AKAP6: variants seen among roughly 807,000 people sequenced by gnomAD.
The protein encoded by AKAP6 is A-kinase anchoring protein 6.
A neutral mutation model predicts 188.5 loss-of-function variants in AKAP6; 58 were observed. That is an observed-to-expected ratio of 0.31 (90% confidence interval 0.25 to 0.38). The LOEUF is 0.38. Ranked by LOEUF, AKAP6 falls within the 10% of genes least tolerant of loss-of-function variation. AKAP6 has a pLI of 1.00. For missense variants in AKAP6, 2,710 were observed against 2,740.0 expected, an observed-to-expected ratio of 0.99 and a Z score of 0.24; for synonymous variants, 989 against 998.6, an observed-to-expected ratio of 0.99 and a Z score of 0.18.
Position 32,657,512 on chromosome 14 carries a change from A to G in AKAP6, c.2731-20799A>G, listed in dbSNP as rs191006201. 2.1e-4 allele frequency among the ~76,000 whole-genome samples: 32 copies of G among 152,304 alleles called. 2 individuals carry two copies. The East Asian group carries it at 3.3e-3, about 16-fold the overall frequency. On this transcript the variant is annotated intron_variant, in intron 7 of 13. Transcript: ENST00000280979. Reference sequence around the variant, plus strand: ...TCAGTTTAGATTTAAACGAAAGCTCATGAGATCCAGGACACTTTTTGTCAT... The same window carrying G: ...TCAGTTTAGATTTAAACGAAAGCTCGTGAGATCCAGGACACTTTTTGTCAT...
intron 7 of AKAP6, among the ~76,000 whole-genome samples, chr14:32,602,476 C>T (rs914762757): frequency 6.6e-6 from 1 of 152,052 alleles, no homozygotes; most frequent in African/African-American, 2.4e-5. Context: ...ACCTGGGCAA[C>T]AGAGAGAGAT....
chr14:32,676,638 G>A (rs1306022172), intron 7 of AKAP6, among the ~76,000 whole-genome samples: 1 of 152,178 alleles, frequency 6.6e-6, no homozygotes, highest in East Asian at 1.9e-4. Context: ...GTTTGGGCAA[G>A]AACAGTTCAC....
chr14:32,576,884 A>G (rs377596411), intron 4 of AKAP6, among the ~76,000 whole-genome samples: 2 of 152,226 alleles, frequency 1.3e-5, no homozygotes, highest in East Asian at 1.9e-4. Context: ...CAGAAAAGTG[A>G]TTCTAGAGAA....
intron 9 of AKAP6, among the ~76,000 whole-genome samples, chr14:32,731,046 G>A (rs912222367): frequency 6.6e-6 from 1 of 152,140 alleles, no homozygotes; most frequent in African/African-American, 2.4e-5. Flanking sequence ...GCATATTCAT[G>A]TAATTTTGGA....
intron 2 of AKAP6, among the ~76,000 whole-genome samples, chr14:32,475,138 C>G (rs1199340853): frequency 6.6e-6 from 1 of 152,164 alleles, no homozygotes; most frequent in African/African-American, 2.4e-5. Flanking sequence ...TCACAGTGAA[C>G]CTTTGTTCAG....
At chr14:32,696,901 T>G (rs1352967068) in intron 9 of AKAP6, among the ~76,000 whole-genome samples, 1 of 152,178 alleles carries the variant, frequency 6.6e-6, no homozygotes, top group East Asian at 1.9e-4. Context: ...ATCTTCCTCA[T>G]TTAGGCAATT....
chr14:32,811,887 C>T (rs2034245714), intron 12 of AKAP6, among the ~76,000 whole-genome samples: 1 of 152,164 alleles, frequency 6.6e-6, no homozygotes, highest in African/African-American at 2.4e-5. Flanking sequence ...CAAGTTGGGA[C>T]CTTATGTCTA....
chr14:32,714,748 TAC>T (rs1336169503), intron 9 of AKAP6, among the ~76,000 whole-genome samples: 1 of 151,966 alleles, frequency 6.6e-6, no homozygotes, highest in Non-Finnish European at 1.5e-5. Context: ...TATATTCACT[TAC>T]ATTTCCATTG....
In AKAP6 at chr14:32,650,387, C is replaced by T. The variant is rs368529909; in HGVS notation, c.2731-27924C>T. On this transcript the variant is annotated intron_variant, in intron 7 of 13. Coordinates refer to ENST00000280979, the MANE Select transcript of AKAP6 (RefSeq NM_004274.5). ...CAGCATTTTGGGAGGCTGGGGCGGG[C>T]GGATTGCTTGAGGCCAGGAGTTCAA... 1.2e-4 allele frequency among the ~76,000 whole-genome samples: 18 copies of T among 152,090 alleles called. No homozygotes were observed. In the East Asian group the frequency reaches 2.3e-3, roughly 20 times the overall value.
intron 2 of AKAP6, among the ~76,000 whole-genome samples, chr14:32,496,573 G>C (rs1275330423): frequency 6.7e-6 from 1 of 150,314 alleles, no homozygotes; most frequent in Non-Finnish European, 1.5e-5. Context: ...TGAGACTTGA[G>C]ATTAAAAAAA....
chr14:32,420,909 TTGTGTGTGTGTG>T (rs71432053), intron 1 of AKAP6, among the ~76,000 whole-genome samples: 2 of 146,410 alleles, frequency 1.4e-5, no homozygotes, highest in African/African-American at 5.0e-5. Context: ...GGAGATTGAT[TTGTGTGTGTGTG>T]TGTGTGTGTG....
rs1566546723 is a variant in AKAP6, at chr14:32,510,438, G to GTGTATATATATACATATATATGTA, written c.325-25115_325-25114insGTATATATATACATATATATGTAT. Among the ~76,000 whole-genome samples, 86 of 84,422 alleles carry GTGTATATATATACATATATATGTA rather than the reference G, an allele frequency of 1.0e-3. 4 individuals carry two copies. Among genetic ancestry groups the GTGTATATATATACATATATATGTA allele is most frequent in the African/African-American group, 3.7e-3 (81 of 22,138 alleles). 55.4% of individuals were successfully genotyped at this position (84,422 alleles called of 152,430 possible). A position where few individuals can be genotyped will look rare whatever the true frequency, so the allele number is the denominator to read the frequency against. ...TGTATATATATACATATATATATGTGTATATATATATACATATATATGTGT... is the reference window on the plus strand; with the variant it reads ...TGTATATATATACATATATATATGTGTGTATATATATACATATATATGTATATATATATATACATATATATGTGT... On this transcript the variant is annotated intron_variant, in intron 2 of 13. Coordinates refer to ENST00000280979, the MANE Select transcript of AKAP6 (RefSeq NM_004274.5).
intron 11 of AKAP6, among the ~76,000 whole-genome samples, chr14:32,764,915 T>C (rs1176729485): frequency 6.6e-6 from 1 of 151,618 alleles, no homozygotes; most frequent in Non-Finnish European, 1.5e-5. Flanking sequence ...TAGGCTATTA[T>C]TTTGCATTCA....
At chr14:32,720,387 C>A (rs935495203) in intron 9 of AKAP6, among the ~76,000 whole-genome samples, 1 of 152,140 alleles carries the variant, frequency 6.6e-6, no homozygotes, top group African/African-American at 2.4e-5. Flanking sequence ...CATATCATTG[C>A]TTTATCTCAT....
intron 9 of AKAP6, among the ~76,000 whole-genome samples, chr14:32,715,365 G>A (rs541078208): frequency 6.6e-6 from 1 of 151,964 alleles, no homozygotes; most frequent in Non-Finnish European, 1.5e-5. Flanking sequence ...GAATTCATTA[G>A]GATACTATGG....
intron 11 of AKAP6, among the ~76,000 whole-genome samples, chr14:32,762,483 A>G (rs2032572169): frequency 6.6e-6 from 1 of 152,150 alleles, no homozygotes; most frequent in Non-Finnish European, 1.5e-5. Flanking sequence ...AAAAGTATGT[A>G]ACTTAGTTTA....
intron 4 of AKAP6, among the ~76,000 whole-genome samples, chr14:32,552,226 A>G (rs1459620990): frequency 6.6e-6 from 1 of 152,222 alleles, no homozygotes; most frequent in Non-Finnish European, 1.5e-5. Context: ...AGCACAGCTA[A>G]TAAGTTACAG....
At chr14:32,429,614 TG>T (rs1219820347) in intron 1 of AKAP6, among the ~76,000 whole-genome samples, 2 of 152,252 alleles carry the variant, frequency 1.3e-5, no homozygotes, top group African/African-American at 2.4e-5. Context: ...TACCCAGGCT[TG>T]CTGTGCTTAA....
intron 7 of AKAP6, among the ~76,000 whole-genome samples, chr14:32,666,836 T>A (rs1371446252): frequency 6.6e-6 from 1 of 152,102 alleles, no homozygotes; most frequent in Non-Finnish European, 1.5e-5. Flanking sequence ...AGAATAGTAA[T>A]CTTTTGCTAC....
Sources: gnomAD v4.1 joint callset for allele counts (sites outside exome capture counted in the v4.1 genomes callset) on GRCh38, gnomAD v4.1.1 for gene constraint, MANE v1.5 for transcripts, NCBI Gene and HGNC (gene_info 2026-07-23, HGNC 2026-07-21) for gene names.